Variants in SLC35D4 observed in about 807,000 individuals in gnomAD.
SLC35D4 encodes UDP-N-acetylglucosamine transporter SLC35D4.
At chr18:23,271,049 C>G in the SLC35D4 span, among the ~76,000 whole-genome samples, 1,059 of 152,324 alleles carry the variant, frequency 7.0e-3, 14 homozygotes, top group African/African-American at 0.024. Context: ...TGAATTGTAG[C>G]TCCTATAATC....
the SLC35D4 span, among the ~76,000 whole-genome samples, chr18:23,375,132 A>G: frequency 1.3e-5 from 2 of 148,966 alleles, no homozygotes; most frequent in Non-Finnish European, 3.0e-5. Flanking sequence ...AAATAAAAAT[A>G]AAAATAAATA....
the SLC35D4 span, among the ~76,000 whole-genome samples, chr18:23,340,930 A>T: frequency 6.6e-6 from 1 of 152,224 alleles, no homozygotes; most frequent in African/African-American, 2.4e-5. Flanking sequence ...AACAAGAGTA[A>T]GACAAGGCAC....
At chr18:23,400,254 T>C in the SLC35D4 span, among the ~76,000 whole-genome samples, 1 of 152,196 alleles carries the variant, frequency 6.6e-6, no homozygotes, top group Non-Finnish European at 1.5e-5. Flanking sequence ...TCTCTTACAA[T>C]TTAGAATCAA....
the SLC35D4 span, among the ~76,000 whole-genome samples, chr18:23,401,156 C>T: frequency 3.3e-5 from 5 of 151,828 alleles, no homozygotes; most frequent in African/African-American, 1.2e-4. Flanking sequence ...TTATTATTAC[C>T]CTCATTGTAC....
the SLC35D4 span, among the ~76,000 whole-genome samples, chr18:23,240,277 G>A: frequency 1.3e-5 from 2 of 152,316 alleles, no homozygotes; most frequent in African/African-American, 4.8e-5. Flanking sequence ...GGAGAGCCCA[G>A]TGGAAAGACC....
At chr18:23,405,964 C>T in the SLC35D4 span, among the ~76,000 whole-genome samples, 1 of 152,174 alleles carries the variant, frequency 6.6e-6, no homozygotes, top group African/African-American at 2.4e-5. Context: ...AAGACATGAG[C>T]TACAAGTGTA....
chr18:23,286,094 T>C, the SLC35D4 span, among the ~76,000 whole-genome samples: 2 of 152,112 alleles, frequency 1.3e-5, no homozygotes, highest in Non-Finnish European at 2.9e-5. Flanking sequence ...ACTCCAAAAA[T>C]TAAATTCTGG....
chr18:23,251,732 G>A, the SLC35D4 span, among the ~76,000 whole-genome samples: 1 of 152,166 alleles, frequency 6.6e-6, no homozygotes, highest in South Asian at 2.1e-4. Flanking sequence ...ACATATGGTG[G>A]CATGTTGTTC....
the SLC35D4 span, among the ~76,000 whole-genome samples, chr18:23,370,553 G>C: frequency 1.3e-5 from 2 of 152,186 alleles, no homozygotes; most frequent in Non-Finnish European, 2.9e-5. Context: ...TTAACAGGAA[G>C]GTTTTACTTC....
the SLC35D4 span, among the ~76,000 whole-genome samples, chr18:23,264,654 C>A: frequency 6.6e-6 from 1 of 152,064 alleles, no homozygotes; most frequent in African/African-American, 2.4e-5. Context: ...AGCCACCGTG[C>A]CCAGCCGTCA....
At chr18:23,275,116 ATGTG>A in the SLC35D4 span, among the ~76,000 whole-genome samples, 1 of 145,708 alleles carries the variant, frequency 6.9e-6, no homozygotes, top group Non-Finnish European at 1.5e-5. Context: ...TTGTGTGTGC[ATGTG>A]TGTGTGCTTG....
the SLC35D4 span, among the ~76,000 whole-genome samples, chr18:23,355,716 C>G: frequency 2.6e-5 from 4 of 151,274 alleles, no homozygotes; most frequent in East Asian, 7.8e-4. Context: ...TCTGTGAGAA[C>G]AGGTGGCCTG....
At chr18:23,273,885 A>G in the SLC35D4 span, among the ~76,000 whole-genome samples, 2 of 152,126 alleles carry the variant, frequency 1.3e-5, no homozygotes, top group Non-Finnish European at 2.9e-5. Flanking sequence ...ATTTTTTTCC[A>G]TTTAATTGTT....
At chr18:23,327,748 C>CA in the SLC35D4 span, among the ~76,000 whole-genome samples, 26 of 151,942 alleles carry the variant, frequency 1.7e-4, no homozygotes, top group African/African-American at 6.3e-4. Context: ...AGAGACACAA[C>CA]AAAAAAAGAG....
At chr18:23,290,643 T>C in the SLC35D4 span, among the ~76,000 whole-genome samples, 1 of 151,882 alleles carries the variant, frequency 6.6e-6, no homozygotes, top group Admixed American at 6.6e-5. Context: ...TTTTTTTTTT[T>C]TGAGATGGAG....
At chr18:23,379,226 C>T in the SLC35D4 span, among the ~76,000 whole-genome samples, 1 of 151,338 alleles carries the variant, frequency 6.6e-6, no homozygotes, top group Non-Finnish European at 1.5e-5. Context: ...TGGGTTCAAG[C>T]GATTCTCCTG....
chr18:23,394,174 G>A, the SLC35D4 span, among the ~76,000 whole-genome samples: 11 of 152,268 alleles, frequency 7.2e-5, no homozygotes, highest in African/African-American at 2.4e-4. Context: ...ATTCCCACCC[G>A]TGGTGCTCAA....
chr18:23,376,525 AG>A, the SLC35D4 span, among the ~76,000 whole-genome samples: 1 of 152,210 alleles, frequency 6.6e-6, no homozygotes, highest in African/African-American at 2.4e-5. Flanking sequence ...CAAATGACCT[AG>A]AGAAGAATCC....
chr18:23,259,667 TGGA>T, the SLC35D4 span: 7 of 152,178 alleles, frequency 4.6e-5, no homozygotes, highest in African/African-American at 1.7e-4. Flanking sequence ...GCAAAGGAAG[TGGA>T]GGAGGGTGAG....
Sources: gnomAD v4.1 joint callset for allele counts (sites outside exome capture counted in the v4.1 genomes callset) on GRCh38, gnomAD v4.1.1 for gene constraint, MANE v1.5 for transcripts, NCBI Gene and HGNC (gene_info 2026-07-23, HGNC 2026-07-21) for gene names.